The following DLGAP2 variants were observed in gnomAD, a reference collection of about 807,000 sequenced individuals.
DLGAP2 encodes disks large-associated protein 2.
In DLGAP2, 26 loss-of-function variants were observed where a neutral mutation model predicts 100.3. The observed-to-expected ratio is 0.26, with a 90% CI of 0.19 to 0.36. The LOEUF is 0.36. DLGAP2 is among the 10% of genes least tolerant of loss of function. DLGAP2 has a pLI of 1.00. For missense variants in DLGAP2, 1,858 were observed against 1,453.2 expected, an observed-to-expected ratio of 1.28 and a Z score of -4.53; for synonymous variants, 886 against 630.1, an observed-to-expected ratio of 1.41 and a Z score of -6.08.
intron 3 of DLGAP2, among the ~76,000 whole-genome samples, chr8:1,423,516 C>T (rs763584216): frequency 1.2e-4 from 19 of 152,214 alleles, no homozygotes; most frequent in South Asian, 2.1e-4. Context: ...AAGGCATCAG[C>T]GCTTTCAGGC....
At position 814,262 on chromosome 8, in the gene DLGAP2, T is replaced by A. The variant is rs144289443; in HGVS notation, c.18+76437T>A. On this transcript the variant is annotated intron_variant, in intron 1 of 14. Transcript: ENST00000637795. ...GTTAAGCGACTGGCCCCAGGTTGTG[T>A]AGTGCATAAGATCAAATGGACACAC... Among the ~76,000 whole-genome samples the A allele has an allele frequency of 2.0e-5, 3 of 152,346 alleles. No individual in the cohort carries two copies. In the East Asian group the frequency reaches 5.8e-4, roughly 29 times the overall value.
intron 3 of DLGAP2, among the ~76,000 whole-genome samples, chr8:1,409,519 G>A (rs761624714): frequency 2.0e-5 from 3 of 152,206 alleles, no homozygotes; most frequent in African/African-American, 2.4e-5. Flanking sequence ...TGTGACGAAC[G>A]TGCTCAGAAC....
At chr8:1,440,900 G>T (rs1333551847) in intron 3 of DLGAP2, among the ~76,000 whole-genome samples, 1 of 152,190 alleles carries the variant, frequency 6.6e-6, no homozygotes, top group Non-Finnish European at 1.5e-5. Flanking sequence ...TTCATGCCAA[G>T]TTTGGAGGAC....
chr8:1,227,616 C>G (rs951125817), intron 2 of DLGAP2, among the ~76,000 whole-genome samples: 4 of 151,992 alleles, frequency 2.6e-5, no homozygotes, highest in African/African-American at 9.7e-5. Context: ...GCATTGCCAT[C>G]TGTGACAATG....
chr8:1,440,891 T>C (rs1481792740), intron 3 of DLGAP2, among the ~76,000 whole-genome samples: 2 of 152,216 alleles, frequency 1.3e-5, no homozygotes, highest in Admixed American at 6.5e-5. Flanking sequence ...ACTGCTACTT[T>C]CATGCCAAGT....
intron 3 of DLGAP2, among the ~76,000 whole-genome samples, chr8:1,284,280 C>T (rs1203130577): frequency 1.3e-5 from 2 of 152,054 alleles, no homozygotes; most frequent in African/African-American, 4.8e-5. Flanking sequence ...TTGAGTAGAG[C>T]CTGTGCTGAA....
At chr8:1,471,525 C>A (rs1307240275) in intron 3 of DLGAP2, among the ~76,000 whole-genome samples, 1 of 148,504 alleles carries the variant, frequency 6.7e-6, no homozygotes, top group Admixed American at 6.6e-5. Flanking sequence ...CGATGCCCTC[C>A]CCTCCCCTCC....
At chr8:1,099,147 C>T (rs1161713769) in intron 2 of DLGAP2, among the ~76,000 whole-genome samples, 1 of 152,158 alleles carries the variant, frequency 6.6e-6, no homozygotes, top group Non-Finnish European at 1.5e-5. Context: ...TTCCTGGCTT[C>T]CTGCTTTCCA....
intron 2 of DLGAP2, among the ~76,000 whole-genome samples, chr8:1,180,401 C>G (rs80272011): frequency 0.033 from 5,094 of 152,304 alleles, 122 homozygotes; most frequent in East Asian, 0.15. Context: ...GAAGGGGCCT[C>G]ACAATGTTGC....
chr8:1,285,052 A>G (rs1431483488), intron 3 of DLGAP2, among the ~76,000 whole-genome samples: 1 of 152,198 alleles, frequency 6.6e-6, no homozygotes, highest in Non-Finnish European at 1.5e-5. Flanking sequence ...ATTTAGCACT[A>G]TCATGCCCAT....
In DLGAP2 at chr8:1,701,454, C is replaced by T; in HGVS notation, c.*48C>T. 2.0e-6 allele frequency: 3 copies of T among 1,527,962 alleles called. No individual in the cohort carries two copies. In the South Asian group the frequency reaches 3.6e-5, roughly 18 times the overall value. 94.7% of individuals were successfully genotyped at this position (1,527,962 alleles called of 1,614,324 possible). On this transcript the variant is annotated 3_prime_UTR_variant, in exon 15 of 15. Coordinates refer to ENST00000637795, the MANE Select transcript of DLGAP2 (RefSeq NM_001346810.2). ...CTCGTCGCTTCCGCTTTCCCGGACG[C>T]TTGTGCAGCGCGGCGCCGCCCTGGT...
At chr8:1,049,585 T>A (rs1358529104) in intron 2 of DLGAP2, among the ~76,000 whole-genome samples, 1 of 152,174 alleles carries the variant, frequency 6.6e-6, no homozygotes, top group African/African-American at 2.4e-5. Flanking sequence ...AATATTCAGT[T>A]ATTCCATATT....
intron 3 of DLGAP2, among the ~76,000 whole-genome samples, chr8:1,334,004 C>T (rs62486219): frequency 3.9e-5 from 6 of 152,314 alleles, no homozygotes; most frequent in East Asian, 1.9e-4. Flanking sequence ...GGCACCATGC[C>T]GGGGAAGAGG....
At chr8:1,600,974 C>A (rs957081208) in intron 6 of DLGAP2, among the ~76,000 whole-genome samples, 4 of 152,192 alleles carry the variant, frequency 2.6e-5, no homozygotes, top group African/African-American at 9.7e-5. Context: ...AATTTTCAAC[C>A]TTGTTGTGCT....
chr8:1,574,336 C>A (rs1802877002), intron 6 of DLGAP2, among the ~76,000 whole-genome samples: 1 of 152,154 alleles, frequency 6.6e-6, no homozygotes, highest in Non-Finnish European at 1.5e-5. Flanking sequence ...ACACCAAGAA[C>A]AACAGCCATC....
intron 3 of DLGAP2, among the ~76,000 whole-genome samples, chr8:1,271,329 T>C (rs1320908808): frequency 6.6e-6 from 1 of 152,156 alleles, no homozygotes; most frequent in African/African-American, 2.4e-5. Flanking sequence ...CCCATTTCAA[T>C]GCGATTCTGA....
chr8:1,181,925 G>C (rs563586719), intron 2 of DLGAP2, among the ~76,000 whole-genome samples: 1 of 152,300 alleles, frequency 6.6e-6, no homozygotes, highest in East Asian at 1.9e-4. Flanking sequence ...CCTTGTCTGT[G>C]AACCGTTGAT....
At chr8:1,148,181 A>C (rs1796638732) in intron 2 of DLGAP2, among the ~76,000 whole-genome samples, 1 of 152,056 alleles carries the variant, frequency 6.6e-6, no homozygotes, top group Admixed American at 6.6e-5. Context: ...TTCTTGTGTC[A>C]GTTTTTATAA....
intron 3 of DLGAP2, among the ~76,000 whole-genome samples, chr8:1,263,492 C>G (rs1799391587): frequency 6.6e-6 from 1 of 152,124 alleles, no homozygotes; most frequent in Non-Finnish European, 1.5e-5. Context: ...CACCTCTTCT[C>G]CCTTCATAAC....
Sources: gnomAD v4.1 joint callset for allele counts (sites outside exome capture counted in the v4.1 genomes callset) on GRCh38, gnomAD v4.1.1 for gene constraint, MANE v1.5 for transcripts, NCBI Gene and HGNC (gene_info 2026-07-23, HGNC 2026-07-21) for gene names.